Variants in PDCL2 observed in about 807,000 individuals in gnomAD.
PDCL2 encodes the protein phosducin-like protein 2.
A neutral mutation model predicts 30.3 loss-of-function variants in PDCL2; 23 were observed. The observed-to-expected ratio is 0.76, with a 90% CI of 0.55 to 1.08. The LOEUF (loss-of-function observed/expected upper bound fraction) is 1.08, where lower values mean the gene tolerates loss of function less well. Among genes scored for constraint, PDCL2 ranks in the 50% least tolerant of loss-of-function variants. The pLI, the probability that PDCL2 is intolerant of heterozygous loss-of-function variation, is 0.00. For synonymous variants in PDCL2, 68 were observed against 86.2 expected (o/e 0.79, Z 1.17); for missense variants, 243 against 282.3 (o/e 0.86, Z 1.00).
intron 3 of PDCL2, among the ~76,000 whole-genome samples, chr4:55,579,032 ATTAAG>A (rs780240672): frequency 5.9e-5 from 9 of 152,170 alleles, no homozygotes; most frequent in East Asian, 1.9e-4. Flanking sequence ...TTGTTCATGT[ATTAAG>A]TTATTTATTT....
intron 1 of PDCL2, among the ~76,000 whole-genome samples, chr4:55,582,954 G>A (rs1000957902): frequency 3.3e-5 from 5 of 152,030 alleles, no homozygotes; most frequent in Non-Finnish European, 7.4e-5. Flanking sequence ...TTTTATGGCT[G>A]CATAGTATTC....
At chr4:55,563,319 C>T (rs1485760339) in intron 4 of PDCL2, among the ~76,000 whole-genome samples, 1 of 152,180 alleles carries the variant, frequency 6.6e-6, no homozygotes, top group Admixed American at 6.5e-5. Context: ...GTTGGTTATT[C>T]TGCTTCCCTC....
chr4:55,574,459 C>T (rs1732509517), intron 3 of PDCL2, among the ~76,000 whole-genome samples: 2 of 152,206 alleles, frequency 1.3e-5, no homozygotes, highest in Non-Finnish European at 2.9e-5. Context: ...TGACCTTTCA[C>T]ACTTTCTGAT....
chr4:55,568,818 T>C (rs142084709), intron 4 of PDCL2, among the ~76,000 whole-genome samples: 2 of 152,186 alleles, frequency 1.3e-5, no homozygotes, highest in African/African-American at 4.8e-5. Context: ...ATCATTCCAG[T>C]GAGGCACCAG....
Position 55,572,189 on chromosome 4 carries a change from A to T in PDCL2, c.219-2328T>A, listed in dbSNP as rs374496624. Among the ~76,000 whole-genome samples the T allele has an allele frequency of 3.9e-5, 6 of 152,246 alleles. No individual in the cohort carries two copies. The East Asian group carries it at 1.2e-3, about 29-fold the overall frequency. ...CAGTGTTCAATGGCCTGCGTTTTTC[A>T]CCTAACAAGCCTATCAGTTGGGATT... On this transcript the variant is annotated intron_variant, in intron 3 of 5. Coordinates refer to ENST00000295645, the MANE Select transcript of PDCL2 (RefSeq NM_152401.3).
chr4:55,563,820 T>C (rs1010581380), intron 4 of PDCL2, among the ~76,000 whole-genome samples: 1 of 152,174 alleles, frequency 6.6e-6, no homozygotes, highest in Admixed American at 6.5e-5. Flanking sequence ...GAGGCCTGGA[T>C]AGCAAAAGTG....
At chr4:55,583,684 C>T (rs530258272) in intron 1 of PDCL2, among the ~76,000 whole-genome samples, 7 of 152,244 alleles carry the variant, frequency 4.6e-5, no homozygotes, top group Admixed American at 4.6e-4. Context: ...GTCCTTTTCC[C>T]CATTGTGTGT....
At chr4:55,563,596 A>C (rs1577905598) in intron 4 of PDCL2, among the ~76,000 whole-genome samples, 1 of 152,368 alleles carries the variant, frequency 6.6e-6, no homozygotes, top group Non-Finnish European at 1.5e-5. Context: ...AACTAACAAA[A>C]GGCAAATTAA....
rs765255245 is a variant in PDCL2 at position 55,556,599 on chromosome 4, A to G, written c.684T>C (p.His228=). The change falls in exon 6 of 6, where the codon CAT becomes CAC. Residue 228 remains histidine, a synonymous_variant. Transcript: ENST00000295645. ...CACTGTTGGAGCTATCACTGTCATCATGAATAGAAGTGTTTCTAATTGAAG... is the reference window on the plus strand; with the variant it reads ...CACTGTTGGAGCTATCACTGTCATCGTGAATAGAAGTGTTTCTAATTGAAG... ...MVSSIRNTSI[H]DDSDSSNSDN... 6.4e-7 allele frequency: 1 copy of G among 1,573,676 alleles called. No individual in the cohort carries two copies. Among genetic ancestry groups the G allele is most frequent in the South Asian group, 1.2e-5 (1 of 85,676 alleles).
rs770172275 is a variant in PDCL2 at position 55,591,719 on chromosome 4, T to C, written c.6+385A>G. ...ATGGTATTAAGACATATGTGACTAGTAGGTTTTCTGTTCTTATTTTTTAAG... is the reference window on the plus strand; with the variant it reads ...ATGGTATTAAGACATATGTGACTAGCAGGTTTTCTGTTCTTATTTTTTAAG... On this transcript the variant is annotated intron_variant, in intron 1 of 5. Coordinates refer to ENST00000295645, the MANE Select transcript of PDCL2 (RefSeq NM_152401.3). Among the ~76,000 whole-genome samples the C allele has an allele frequency of 1.3e-5, 2 of 152,154 alleles. 1 individual carries two copies. Among genetic ancestry groups the C allele is most frequent in the South Asian group, 4.1e-4 (2 of 4,834 alleles).
chr4:55,559,758 G>A (rs1732075879), intron 5 of PDCL2, among the ~76,000 whole-genome samples: 1 of 152,144 alleles, frequency 6.6e-6, no homozygotes, highest in Non-Finnish European at 1.5e-5. Flanking sequence ...CAACCTAGGT[G>A]TCCATTAACA....
chr4:55,585,864 G>A (rs563168226), intron 1 of PDCL2, among the ~76,000 whole-genome samples: 1 of 152,214 alleles, frequency 6.6e-6, no homozygotes, highest in East Asian at 1.9e-4. Flanking sequence ...ACAATGCTTT[G>A]TATTTCTGTG....
In PDCL2 at chr4:55,592,143, G is replaced by A. The variant is rs919463888; in HGVS notation, c.-34C>T. The A allele has an allele frequency of 1.9e-6, 3 of 1,606,810 alleles. No individual in the cohort carries two copies. The highest frequency in any genetic ancestry group is 2.3e-5 in the East Asian group (1 of 44,434). On this transcript the variant is annotated 5_prime_UTR_variant, in exon 1 of 6. In the 5' UTR this introduces an upstream ATG that the reference lacks. Transcript: ENST00000295645. ...GCTCTGCCCCTCAAGAGCCCGCGTCGTCCTGCAGCTGGCGAGGCGCCACGG... is the reference window on the plus strand; with the variant it reads ...GCTCTGCCCCTCAAGAGCCCGCGTCATCCTGCAGCTGGCGAGGCGCCACGG...
At chr4:55,581,034 G>A (rs1480213497) in intron 2 of PDCL2, 123 bp from the exon 3 acceptor site, 10 of 621,430 alleles carry the variant, frequency 1.6e-5, no homozygotes, top group East Asian at 9.6e-5. Context: ...AGCCGGGTGC[G>A]ATGGAATCCC....
chr4:55,559,647 T>C (rs756624033), intron 5 of PDCL2, among the ~76,000 whole-genome samples: 56 of 152,218 alleles, frequency 3.7e-4, no homozygotes, highest in Non-Finnish European at 7.2e-4. Flanking sequence ...AGCAATTCCA[T>C]TTCTGTGTAT....
At chr4:55,568,769 C>A (rs1320294233) in intron 4 of PDCL2, among the ~76,000 whole-genome samples, 1 of 152,150 alleles carries the variant, frequency 6.6e-6, no homozygotes, top group East Asian at 1.9e-4. Context: ...CCAGGAAGGG[C>A]AGGACACTCT....
At chr4:55,588,878 T>TA (rs1577921292) in intron 1 of PDCL2, among the ~76,000 whole-genome samples, 1 of 151,552 alleles carries the variant, frequency 6.6e-6, no homozygotes, top group African/African-American at 2.4e-5. Flanking sequence ...TTTTTTTTTT[T>TA]AGAGAGTCTC....
intron 1 of PDCL2, among the ~76,000 whole-genome samples, chr4:55,590,058 G>A (rs552331568): frequency 5.1e-4 from 78 of 151,586 alleles, no homozygotes; most frequent in African/African-American, 1.8e-3. Context: ...TTAGCCAGGC[G>A]TGGTGGTGCA....
intron 3 of PDCL2, among the ~76,000 whole-genome samples, chr4:55,570,791 T>C (rs181632565): frequency 1.3e-5 from 2 of 152,338 alleles, no homozygotes; most frequent in Non-Finnish European, 2.9e-5. Context: ...ATCTAAATGG[T>C]TTCTGACTGT....
Sources: allele counts gnomAD v4.1 joint callset (sites outside exome capture counted in the v4.1 genomes callset), GRCh38; gene constraint gnomAD v4.1.1; transcripts MANE v1.5; gene names NCBI Gene and HGNC (gene_info 2026-07-23, HGNC 2026-07-21).